The following ZHX2 variants were observed in gnomAD, a reference collection of about 807,000 sequenced individuals.
The protein encoded by ZHX2 is zinc fingers and homeoboxes protein 2.
ZHX2 carries 6 observed loss-of-function variants against 21.9 expected under a neutral mutation model. The observed-to-expected ratio is 0.27, with a 90% CI of 0.15 to 0.54. The LOEUF (loss-of-function observed/expected upper bound fraction) is 0.54, where lower values mean the gene tolerates loss of function less well. ZHX2 is among the 20% of genes least tolerant of loss of function. The pLI is 0.95. For missense variants in ZHX2, 908 were observed against 1,090.7 expected (o/e 0.83, Z 2.36); for synonymous variants, 434 against 437.1 (o/e 0.99, Z 0.09).
At chr8:122,957,858 C>T (rs1224542401) in intron 3 of ZHX2, among the ~76,000 whole-genome samples, 1 of 152,120 alleles carries the variant, frequency 6.6e-6, no homozygotes, top group Non-Finnish European at 1.5e-5. Context: ...CAGAGGCACT[C>T]CTTAAAGGAA....
chr8:122,922,690 C>T (rs1820768448), intron 2 of ZHX2, among the ~76,000 whole-genome samples: 1 of 152,192 alleles, frequency 6.6e-6, no homozygotes. Flanking sequence ...AGAAGCACAG[C>T]TTTAGAGCCT....
Position 122,951,941 on chromosome 8 carries a change from T to G in ZHX2, c.431T>G (p.Ile144Ser). Residue 144 changes from isoleucine to serine, a missense_variant, in exon 3 of 4, where the codon ATT becomes AGT. This residue lies in a region of ZHX2 where 220 missense variants were observed against 251.4 expected (regional missense o/e 0.88). Coordinates refer to ENST00000314393, the MANE Select transcript of ZHX2 (RefSeq NM_014943.5). ...GAGGCCAACTTCAAGCTGAAGTTAA[T>G]TAAACGCAATAATCAAACTGTCTTG... is the stretch of plus-strand genomic sequence containing the variant. ...PGEANFKLKL[I>S]KRNNQTVLEQ... The G allele has an allele frequency of 6.2e-7, 1 of 1,613,842 alleles. No homozygotes were observed. The highest frequency in any genetic ancestry group is 1.1e-5 in the South Asian group (1 of 91,050).
rs116475123 is a variant in ZHX2, at chr8:122,822,298, G to A, written c.-283+40352G>A. Among the ~76,000 whole-genome samples, 1,252 of 152,124 alleles carry A rather than the reference G, an allele frequency of 8.2e-3. 10 individuals are homozygous for A. Among genetic ancestry groups the A allele is most frequent in the African/African-American group, 0.028 (1,169 of 41,486 alleles). On this transcript the variant is annotated intron_variant, in intron 1 of 3. Coordinates refer to ENST00000314393, the MANE Select transcript of ZHX2 (RefSeq NM_014943.5). ...CCACTTGGGTTGCTGCTGTGATGGC[G>A]GCTCTTGTTTTGGGAAGGGAAATCC...
intron 2 of ZHX2, among the ~76,000 whole-genome samples, chr8:122,924,505 G>A (rs538887258): frequency 2.6e-5 from 4 of 152,220 alleles, no homozygotes; most frequent in African/African-American, 9.6e-5. Flanking sequence ...CTTTTTAGGG[G>A]GACAAAATTC....
chr8:122,831,306 A>G (rs1269409823), intron 1 of ZHX2, among the ~76,000 whole-genome samples: 4 of 152,126 alleles, frequency 2.6e-5, no homozygotes, highest in African/African-American at 9.7e-5. Context: ...GAGCCCTGGG[A>G]TGACACTGAG....
chr8:122,959,431 T>C (rs1431152406), intron 3 of ZHX2, among the ~76,000 whole-genome samples: 4 of 151,570 alleles, frequency 2.6e-5, no homozygotes, highest in Non-Finnish European at 5.9e-5. Flanking sequence ...AATTAATGAG[T>C]GAATGAATGA....
intron 2 of ZHX2, among the ~76,000 whole-genome samples, chr8:122,930,468 G>GT (rs1028473181): frequency 2.0e-5 from 3 of 151,986 alleles, no homozygotes; most frequent in African/African-American, 7.3e-5. Flanking sequence ...GACAGACTTG[G>GT]TAAGAATTTT....
chr8:122,947,280 C>T (rs1044480262), intron 2 of ZHX2, among the ~76,000 whole-genome samples: 8 of 142,824 alleles, frequency 5.6e-5, no homozygotes, highest in Non-Finnish European at 9.5e-5. Context: ...AAAAAAAAAA[C>T]CTTTCTGCCT....
intron 2 of ZHX2, among the ~76,000 whole-genome samples, chr8:122,894,976 G>A (rs1820063090): frequency 6.6e-6 from 1 of 152,140 alleles, no homozygotes; most frequent in Non-Finnish European, 1.5e-5. Context: ...CATTGAATCA[G>A]TAACAGTCTG....
intron 1 of ZHX2, among the ~76,000 whole-genome samples, chr8:122,857,928 G>T (rs1819066893): frequency 6.6e-6 from 1 of 152,216 alleles, no homozygotes; most frequent in Admixed American, 6.5e-5. Flanking sequence ...GAGCAATTTT[G>T]CAGATGAGCA....
intron 2 of ZHX2, among the ~76,000 whole-genome samples, chr8:122,879,424 C>T (rs1819648748): frequency 6.6e-6 from 1 of 151,718 alleles, no homozygotes; most frequent in African/African-American, 2.4e-5. Context: ...CCAGGATGGT[C>T]TCAATCTCTT....
Position 122,970,030 on chromosome 8 carries a change from G to A in ZHX2, c.*5-3212G>A, listed in dbSNP as rs968538294. 4.6e-5 allele frequency among the ~76,000 whole-genome samples: 7 copies of A among 152,174 alleles called. No individual in the cohort carries two copies. The East Asian group carries it at 5.8e-4, about 13-fold the overall frequency. On this transcript the variant is annotated intron_variant, in intron 3 of 3. Transcript: ENST00000314393. ...AGGCAGTGGGTTCCTGTCCTGGGAC[G>A]TGTTCACCGAGAGCCTGGACATCAC...
At chr8:122,970,641 T>G (rs1222412970) in intron 3 of ZHX2, among the ~76,000 whole-genome samples, 1 of 152,210 alleles carries the variant, frequency 6.6e-6, no homozygotes, top group Non-Finnish European at 1.5e-5. Flanking sequence ...GGTAGCTGTC[T>G]TCCCGCCTTG....
intron 1 of ZHX2, among the ~76,000 whole-genome samples, chr8:122,836,653 C>A (rs909701960): frequency 6.6e-6 from 1 of 152,212 alleles, no homozygotes; most frequent in African/African-American, 2.4e-5. Context: ...CCTAGTCTGA[C>A]GTAACTGCTA....
At chr8:122,930,694 T>A (rs934922224) in intron 2 of ZHX2, among the ~76,000 whole-genome samples, 2 of 151,986 alleles carry the variant, frequency 1.3e-5, no homozygotes, top group Non-Finnish European at 2.9e-5. Context: ...TTCACCATGT[T>A]GGCCAGGTTG....
At chr8:122,801,707 C>T (rs1478808247) in intron 1 of ZHX2, among the ~76,000 whole-genome samples, 2 of 152,122 alleles carry the variant, frequency 1.3e-5, no homozygotes, top group East Asian at 3.8e-4. Context: ...ACCATGATTG[C>T]ACCGCTGCAG....
rs1172128004 is a variant in ZHX2 at position 122,970,335 on chromosome 8, A to T, written c.*5-2907A>T. On this transcript the variant is annotated intron_variant, in intron 3 of 3. Transcript: ENST00000314393. ...TCTGACAGCACTATGCTCACTTTCC[A>T]TTTTCCATTCATTGACAAATGCCTG... 3.3e-5 allele frequency among the ~76,000 whole-genome samples: 5 copies of T among 152,220 alleles called. No homozygotes were observed. The East Asian group carries it at 9.6e-4, about 29-fold the overall frequency.
chr8:122,833,722 C>T (rs1394564717), intron 1 of ZHX2, among the ~76,000 whole-genome samples: 11 of 152,186 alleles, frequency 7.2e-5, no homozygotes, highest in African/African-American at 2.2e-4. Flanking sequence ...GCGGGCCGGG[C>T]GCGGTGGCTC....
intron 1 of ZHX2, among the ~76,000 whole-genome samples, chr8:122,840,349 C>T (rs1818597817): frequency 6.6e-6 from 1 of 152,110 alleles, no homozygotes; most frequent in Non-Finnish European, 1.5e-5. Flanking sequence ...GTTCTGGAAT[C>T]AGACACCCTA....
Sources: gnomAD v4.1 joint callset for allele counts (sites outside exome capture counted in the v4.1 genomes callset) on GRCh38, gnomAD v4.1.1 for gene constraint, gnomAD v4.1.1 regional missense constraint, MANE v1.5 for transcripts, NCBI Gene and HGNC (gene_info 2026-07-23, HGNC 2026-07-21) for gene names.